The following SLC9B1 variants were observed in gnomAD, a reference collection of about 807,000 sequenced individuals.
The protein encoded by SLC9B1 is solute carrier family 9 member B1.
In SLC9B1, 32 loss-of-function variants were observed where a neutral mutation model predicts 51.7. The observed-to-expected ratio is 0.62, with a 90% CI of 0.47 to 0.83. SLC9B1 has a LOEUF of 0.83. Among genes scored for constraint, SLC9B1 ranks in the 40% least tolerant of loss-of-function variants. The pLI is 0.00. For synonymous variants in SLC9B1, 145 were observed against 212.7 expected (o/e 0.68, Z 2.77); for missense variants, 406 against 613.2 (o/e 0.66, Z 3.57).
intron 7 of SLC9B1, among the ~76,000 whole-genome samples, chr4:102,931,541 G>C (rs1000566652): frequency 6.6e-6 from 1 of 151,964 alleles, no homozygotes; most frequent in Admixed American, 6.6e-5. Context: ...CTTCAATAAT[G>C]CAGAAGACTC....
intron 3 of SLC9B1, among the ~76,000 whole-genome samples, chr4:102,979,224 G>A (rs1333164760): frequency 6.6e-6 from 1 of 152,194 alleles, no homozygotes; most frequent in African/African-American, 2.4e-5. Context: ...GGAATAGTAA[G>A]TAGTTAACCT....
intron 4 of SLC9B1, 30 bp from the exon 5 acceptor site, chr4:102,946,819 C>T: frequency 2.0e-6 from 3 of 1,537,986 alleles, no homozygotes; most frequent in Non-Finnish European, 2.6e-6. Context: ...AGATACATGA[C>T]AGTTCATTTT....
intron 3 of SLC9B1, among the ~76,000 whole-genome samples, chr4:102,985,265 T>C (rs1218423028): frequency 1.3e-5 from 2 of 152,182 alleles, no homozygotes; most frequent in Non-Finnish European, 2.9e-5. Flanking sequence ...ATCTCTGTAT[T>C]TTACCTAGTG....
chr4:102,955,272 G>A (rs200589722), intron 3 of SLC9B1, among the ~76,000 whole-genome samples: 2 of 152,080 alleles, frequency 1.3e-5, no homozygotes, highest in East Asian at 1.9e-4. Context: ...TTCTCTTGCC[G>A]CCACCATGTA....
intron 3 of SLC9B1, among the ~76,000 whole-genome samples, chr4:102,973,039 G>A (rs1039310458): frequency 2.6e-5 from 4 of 152,054 alleles, no homozygotes; most frequent in Admixed American, 2.0e-4. Flanking sequence ...AGAATGCATT[G>A]GGGAAAAGTA....
intron 3 of SLC9B1, among the ~76,000 whole-genome samples, chr4:102,976,776 A>T (rs1156533652): frequency 6.6e-6 from 1 of 152,210 alleles, no homozygotes; most frequent in Admixed American, 6.5e-5. Context: ...TTGGCAGGTG[A>T]GAGTGGAAAG....
rs1182126430 is a variant in SLC9B1, at chr4:102,982,322, T to C, written c.211+7478A>G. ...ATTATCGTAGCTTTACAGTAAGTCT[T>C]GAAGTTGGGTAATGTCAGTTCTCTG... On this transcript the variant is annotated intron_variant, in intron 3 of 11. Transcript: ENST00000296422. 3.3e-5 allele frequency among the ~76,000 whole-genome samples: 5 copies of C among 152,160 alleles called. No homozygotes were observed. In the East Asian group the frequency reaches 7.7e-4, roughly 23 times the overall value.
chr4:102,956,616 C>T (rs1372588667), intron 3 of SLC9B1, among the ~76,000 whole-genome samples: 1 of 152,048 alleles, frequency 6.6e-6, no homozygotes, highest in Non-Finnish European at 1.5e-5. Flanking sequence ...CAGGCTAAAA[C>T]AACAATAACA....
At chr4:102,915,671 C>A (rs1427854874) in intron 7 of SLC9B1, among the ~76,000 whole-genome samples, 2 of 152,164 alleles carry the variant, frequency 1.3e-5, no homozygotes, top group East Asian at 1.9e-4. Flanking sequence ...GTGTAAGACA[C>A]CACACCCAGC....
At chr4:102,950,952 G>A (rs1415466328) in intron 3 of SLC9B1, among the ~76,000 whole-genome samples, 1 of 152,094 alleles carries the variant, frequency 6.6e-6, no homozygotes, top group Non-Finnish European at 1.5e-5. Context: ...CTGGGATGGC[G>A]CCACTTCACT....
intron 11 of SLC9B1, chr4:102,891,047 T>C (rs1373110683): frequency 6.6e-6 from 1 of 150,994 alleles, no homozygotes; most frequent in East Asian, 1.9e-4. Flanking sequence ...ATGAAATCAT[T>C]GATAGATCCA....
At chr4:102,920,779 G>C (rs1415587363) in intron 7 of SLC9B1, among the ~76,000 whole-genome samples, 3 of 152,192 alleles carry the variant, frequency 2.0e-5, no homozygotes, top group Non-Finnish European at 2.9e-5. Context: ...AGCTTCAATA[G>C]CCGATTCAAT....
intron 11 of SLC9B1, among the ~76,000 whole-genome samples, chr4:102,903,387 G>C (rs1324135362): frequency 6.6e-6 from 1 of 152,206 alleles, no homozygotes; most frequent in Non-Finnish European, 1.5e-5. Flanking sequence ...CCATATGCCA[G>C]AGAGAGTGCT....
At chr4:102,939,496 T>C (rs1473281743) in intron 6 of SLC9B1, among the ~76,000 whole-genome samples, 2 of 146,674 alleles carry the variant, frequency 1.4e-5, no homozygotes, top group Non-Finnish European at 3.0e-5. Context: ...CTGGTACCAA[T>C]GCTACTGAAA....
At chr4:102,886,254 C>T (rs1303436227) in intron 11 of SLC9B1, among the ~76,000 whole-genome samples, 3 of 151,982 alleles carry the variant, frequency 2.0e-5, no homozygotes, top group East Asian at 3.9e-4. Flanking sequence ...TTTGGGAGGC[C>T]GAGGCAGGTG....
chr4:102,924,416 T>C (rs1441932657), intron 7 of SLC9B1, among the ~76,000 whole-genome samples: 2 of 152,308 alleles, frequency 1.3e-5, no homozygotes, highest in African/African-American at 4.8e-5. Flanking sequence ...TCAAGATGGA[T>C]TAAAGACTTA....
intron 1 of SLC9B1, among the ~76,000 whole-genome samples, chr4:102,996,471 T>C (rs994402265): frequency 6.6e-6 from 1 of 152,186 alleles, no homozygotes; most frequent in African/African-American, 2.4e-5. Context: ...GAATGTTTAT[T>C]CTCCTATATA....
chr4:103,006,170 G>C (rs561972213), intron 1 of SLC9B1, among the ~76,000 whole-genome samples: 2 of 151,610 alleles, frequency 1.3e-5, no homozygotes, highest in Non-Finnish European at 2.9e-5. Flanking sequence ...TTGGTTTTTT[G>C]AAAGAATAAA....
chr4:102,948,325 TACACACACACACACAC>T (rs375091561), intron 4 of SLC9B1, among the ~76,000 whole-genome samples: 11 of 127,548 alleles, frequency 8.6e-5, no homozygotes, highest in East Asian at 2.2e-4. Flanking sequence ...GGCAAAGCCA[TACACACACACACACAC>T]ACACACACAC....
Sources: gnomAD v4.1 joint callset for allele counts (sites outside exome capture counted in the v4.1 genomes callset) on GRCh38, gnomAD v4.1.1 for gene constraint, MANE v1.5 for transcripts, NCBI Gene and HGNC (gene_info 2026-07-23, HGNC 2026-07-21) for gene names.